The following ABHD6 variants were observed in gnomAD, a reference collection of about 807,000 sequenced individuals.
ABHD6 encodes the protein monoacylglycerol lipase ABHD6.
Under a neutral mutation model 38.8 loss-of-function variants are expected in ABHD6, and 33 were observed. The ratio of observed to expected loss-of-function variants is 0.85; its 90% CI spans 0.64 to 1.14. The LOEUF (loss-of-function observed/expected upper bound fraction) is 1.14, where lower values mean the gene tolerates loss of function less well. ABHD6 is among the 50% of genes most tolerant of loss of function. The pLI is 0.00. For missense variants in ABHD6, 380 were observed against 422.6 expected (o/e 0.90, Z 0.88); for synonymous variants, 147 against 161.6 (o/e 0.91, Z 0.69).
intron 1 of ABHD6, among the ~76,000 whole-genome samples, chr3:58,245,357 G>A (rs1423268551): frequency 6.6e-6 from 1 of 152,048 alleles, no homozygotes. Context: ...GTAGAGACAG[G>A]ATTTCACCAT....
At position 58,256,547 on chromosome 3, in the gene ABHD6, C is replaced by G; in HGVS notation, c.-25-15C>G. 5 of 1,452,428 alleles carry G rather than the reference C, an allele frequency of 3.4e-6. No homozygotes were observed. The highest frequency in any genetic ancestry group is 4.8e-6 in the Non-Finnish European group (5 of 1,039,154). The allele number at this position is 1,452,428 out of a possible 1,614,324, so 90.0% of individuals were successfully genotyped here. A position where few individuals can be genotyped will look rare whatever the true frequency, so the allele number is the denominator to read the frequency against. On this transcript the variant is annotated splice_polypyrimidine_tract_variant and intron_variant, in intron 2 of 9. Transcript: ENST00000478253. The surrounding 1 kb of genome is among the most constrained non-coding windows in gnomAD (Gnocchi z 4.3). Reference sequence around the variant, plus strand: ...TACAGAGTTTTAATATCGTCATTCTCTTTGGCCCCTGCAGGAGTCAGCCAG... The same window carrying G: ...TACAGAGTTTTAATATCGTCATTCTGTTTGGCCCCTGCAGGAGTCAGCCAG...
chr3:58,279,526 C>T (rs1302465530), intron 7 of ABHD6, among the ~76,000 whole-genome samples: 1 of 152,108 alleles, frequency 6.6e-6, no homozygotes, highest in Non-Finnish European at 1.5e-5. Context: ...GAATATAGCA[C>T]ACTGATGGGT....
Position 58,267,372 on chromosome 3 carries a change from TAAGAA to T in ABHD6, c.276+31_276+35del. The T allele has an allele frequency of 6.2e-7, 1 of 1,613,272 alleles. No individual in the cohort carries two copies. The highest frequency in any genetic ancestry group is 8.5e-7 in the Non-Finnish European group (1 of 1,179,648). On this transcript the variant is annotated intron_variant, in intron 4 of 9. Transcript: ENST00000478253. The surrounding 1 kb of genome is among the most constrained non-coding windows in gnomAD (Gnocchi z 4.3). Reference sequence around the variant, plus strand: ...TGCAATTCTCGATTCTTCTCTCTTATAAGAAAAGGGAGTTGGGTGCTGTGGCTCAT... The same window carrying T: ...TGCAATTCTCGATTCTTCTCTCTTATAAGGGAGTTGGGTGCTGTGGCTCAT...
chr3:58,254,553 G>A (rs1321198118), intron 2 of ABHD6, among the ~76,000 whole-genome samples: 2 of 152,230 alleles, frequency 1.3e-5, no homozygotes, highest in East Asian at 1.9e-4. Context: ...ATTGAATTAA[G>A]TATCAGTCGA....
At chr3:58,250,356 C>T (rs1252594843) in intron 2 of ABHD6, among the ~76,000 whole-genome samples, 1 of 152,004 alleles carries the variant, frequency 6.6e-6, no homozygotes, top group East Asian at 1.9e-4. Context: ...GTATGGGGCT[C>T]GCGAGCTGGT....
chr3:58,272,297 G>T (rs1254450523), intron 6 of ABHD6, among the ~76,000 whole-genome samples: 2 of 152,164 alleles, frequency 1.3e-5, no homozygotes, highest in South Asian at 2.1e-4. Context: ...TAGGAACAGA[G>T]CCCAGGCTGC....
At chr3:58,272,292 A>G (rs192681332) in intron 6 of ABHD6, among the ~76,000 whole-genome samples, 2 of 152,342 alleles carry the variant, frequency 1.3e-5, no homozygotes. Context: ...CACAGTAGGA[A>G]CAGAGCCCAG....
intron 3 of ABHD6, chr3:58,258,709 C>G (rs2097434999): frequency 1.3e-5 from 2 of 154,948 alleles, no homozygotes; most frequent in Non-Finnish European, 2.9e-5. Context: ...GTGTTATGCC[C>G]TTTATCTGCC....
chr3:58,268,282 A>C (rs1337449037), intron 4 of ABHD6, among the ~76,000 whole-genome samples: 1 of 152,042 alleles, frequency 6.6e-6, no homozygotes, highest in Non-Finnish European at 1.5e-5. Context: ...TTGTACTCCC[A>C]AGTTTCTTCT....
intron 6 of ABHD6, 32 bp downstream of exon 6, chr3:58,271,096 G>A: frequency 6.4e-7 from 1 of 1,560,416 alleles, no homozygotes; most frequent in Non-Finnish European, 8.6e-7. Context: ...TCCCTCGGCA[G>A]GGATGAATCC....
chr3:58,241,392 G>A (rs1391440127), intron 1 of ABHD6, among the ~76,000 whole-genome samples: 1 of 152,188 alleles, frequency 6.6e-6, no homozygotes, highest in Admixed American at 6.5e-5. Context: ...GGTCTGTCAT[G>A]AGCTTCTGTG....
chr3:58,240,983 A>G (rs925074157), intron 1 of ABHD6, among the ~76,000 whole-genome samples: 1 of 151,492 alleles, frequency 6.6e-6, no homozygotes, highest in Admixed American at 6.6e-5. Context: ...GCCCGCCTCT[A>G]CCTCCCAAAG....
Position 58,259,595 on chromosome 3 carries a change from C to T in ABHD6, c.119+2890C>T, listed in dbSNP as rs1409717607. On this transcript the variant is annotated intron_variant, in intron 3 of 9. Coordinates refer to ENST00000478253, the MANE Select transcript of ABHD6 (RefSeq NM_001320126.2). This position sits in a 1 kb window ranked among gnomAD's most constrained non-coding sequence, Gnocchi z 4.7. ...ACCTGGGAGGCTGAGGCAGAAGAATCGCTTGAACCCAGGAAGCGGAGGTTG... is the reference window on the plus strand; with the variant it reads ...ACCTGGGAGGCTGAGGCAGAAGAATTGCTTGAACCCAGGAAGCGGAGGTTG... Among the ~76,000 whole-genome samples the T allele has an allele frequency of 1.3e-5, 2 of 152,122 alleles. No homozygotes were observed. Among genetic ancestry groups the T allele is most frequent in the African/African-American group, 4.8e-5 (2 of 41,408 alleles).
Position 58,288,150 on chromosome 3 carries a change from T to C in ABHD6, c.837+2697T>C, listed in dbSNP as rs192044579. On this transcript the variant is annotated intron_variant, in intron 9 of 9. Coordinates refer to ENST00000478253, the MANE Select transcript of ABHD6 (RefSeq NM_001320126.2). ...GGGACAGAGGCCAAATAGCAGAGGC[T>C]TCAGGGAGTCTTTTATTTCACAGCC... 1.1e-3 allele frequency among the ~76,000 whole-genome samples: 160 copies of C among 152,294 alleles called. 4 individuals carry two copies. The East Asian group carries it at 0.026, about 24-fold the overall frequency.
chr3:58,253,218 G>A (rs2097431186), intron 2 of ABHD6, among the ~76,000 whole-genome samples: 1 of 151,526 alleles, frequency 6.6e-6, no homozygotes, highest in African/African-American at 2.4e-5. Context: ...CATCTCCAGT[G>A]TCAGAGTCTA....
At position 58,259,370 on chromosome 3, in the gene ABHD6, A is replaced by T. The variant is rs2097435433; in HGVS notation, c.119+2665A>T. On this transcript the variant is annotated intron_variant, in intron 3 of 9. Coordinates refer to ENST00000478253, the MANE Select transcript of ABHD6 (RefSeq NM_001320126.2). This position sits in a 1 kb window ranked among gnomAD's most constrained non-coding sequence, Gnocchi z 4.7. The stretch of plus-strand genomic sequence containing the variant: ...TAAGTTAAAATTCACATAACATAAA[A>T]GTCACCATTTTAAAGTGTACAATTC... Among the ~76,000 whole-genome samples the T allele has an allele frequency of 6.6e-6, 1 of 152,208 alleles. No individual in the cohort carries two copies. Among genetic ancestry groups the T allele is most frequent in the Non-Finnish European group, 1.5e-5 (1 of 68,034 alleles).
At chr3:58,255,204 T>A (rs1247172807) in intron 2 of ABHD6, among the ~76,000 whole-genome samples, 1 of 152,218 alleles carries the variant, frequency 6.6e-6, no homozygotes, top group Non-Finnish European at 1.5e-5. Flanking sequence ...TGTGTAAGTC[T>A]TTAGGAAGAC....
At chr3:58,262,283 A>C (rs775972606) in intron 3 of ABHD6, among the ~76,000 whole-genome samples, 4 of 152,212 alleles carry the variant, frequency 2.6e-5, no homozygotes, top group Non-Finnish European at 5.9e-5. Flanking sequence ...GTGTAATGTC[A>C]TTGATCGTAC....
chr3:58,243,632 G>A (rs988461874), intron 1 of ABHD6, among the ~76,000 whole-genome samples: 7 of 151,772 alleles, frequency 4.6e-5, no homozygotes, highest in Non-Finnish European at 5.9e-5. Flanking sequence ...CTGATTCTCC[G>A]CAGTTTCCAG....
Sources: allele counts gnomAD v4.1 joint callset (sites outside exome capture counted in the v4.1 genomes callset), GRCh38; gene constraint gnomAD v4.1.1; non-coding constraint Gnocchi (gnomAD v3.1); transcripts MANE v1.5; gene names NCBI Gene and HGNC (gene_info 2026-07-23, HGNC 2026-07-21).